The following CCDC88A variants were observed in gnomAD, a reference collection of about 807,000 sequenced individuals.
The protein encoded by CCDC88A is coiled-coil and HOOK domain protein 88A.
A neutral mutation model predicts 234.3 loss-of-function variants in CCDC88A; 54 were observed. The ratio of observed to expected loss-of-function variants is 0.23; its 90% CI spans 0.19 to 0.29. CCDC88A has a LOEUF of 0.29. CCDC88A is among the 10% of genes least tolerant of loss of function. CCDC88A has a pLI of 1.00. For missense variants in CCDC88A, 1,832 were observed against 2,123.4 expected (o/e 0.86, Z 2.70); for synonymous variants, 753 against 737.8 (o/e 1.02, Z -0.33).
chr2:55,296,198 A>G (rs932123981), intron 30 of CCDC88A, 60 bp downstream of exon 30: 16 of 1,502,596 alleles, frequency 1.1e-5, no homozygotes, highest in African/African-American at 2.8e-5. Flanking sequence ...CTGAAGTTCA[A>G]TTACAGAAAT....
intron 22 of CCDC88A, chr2:55,315,541 A>T (rs1208962120): frequency 6.5e-6 from 1 of 153,692 alleles, no homozygotes; most frequent in Non-Finnish European, 1.4e-5. Flanking sequence ...ACCATCCTAT[A>T]ATTTATTTGG....
At chr2:55,375,012 A>G (rs1673404759) in intron 3 of CCDC88A, 129 bp from the exon 4 acceptor site, 4 of 548,350 alleles carry the variant, frequency 7.3e-6, no homozygotes, top group Non-Finnish European at 1.3e-5. Flanking sequence ...ATATGGAAAA[A>G]GTTATATAAG....
In CCDC88A at chr2:55,328,373, T is replaced by C. The variant is rs748161301; in HGVS notation, c.2918A>G (p.Glu973Gly). Residue 973 changes from glutamate to glycine, a missense_variant, in exon 17 of 33, where the codon GAA becomes GGA. Coordinates refer to ENST00000436346, the MANE Select transcript of CCDC88A (RefSeq NM_001365480.1). This position sits in a 1 kb window ranked among gnomAD's most constrained non-coding sequence, Gnocchi z 4.3. ...STLKKSLEIK[E>G]EKIAALEARL... ...AGCTTCTAAAGCAGCAATTTTTTCT[T>C]CTTTTATTTCAAGAGACTTCTTAAG... 1.3e-6 allele frequency: 2 copies of C among 1,599,554 alleles called. No homozygotes were observed. The highest frequency in any genetic ancestry group is 2.7e-5 in the African/African-American group (2 of 74,596).
At chr2:55,299,015 C>T (rs1278584416) in intron 29 of CCDC88A, among the ~76,000 whole-genome samples, 1 of 151,936 alleles carries the variant, frequency 6.6e-6, no homozygotes, top group East Asian at 1.9e-4. Context: ...GCCTGGTTAA[C>T]ATGGTGAAAC....
chr2:55,366,534 TACACACACACACACACACAC>T (rs201666406), intron 5 of CCDC88A, among the ~76,000 whole-genome samples: 8 of 127,638 alleles, frequency 6.3e-5, no homozygotes, highest in African/African-American at 2.0e-4. Context: ...CACACACACA[TACACACACACACACACACAC>T]ACACACACAC....
chr2:55,299,581 T>C (rs556241916), intron 29 of CCDC88A, among the ~76,000 whole-genome samples: 53 of 152,312 alleles, frequency 3.5e-4, no homozygotes, highest in Admixed American at 2.9e-3. Flanking sequence ...ATAGATAATT[T>C]TGAAGTATAA....
At chr2:55,371,909 A>G (rs1450105964) in intron 5 of CCDC88A, among the ~76,000 whole-genome samples, 1 of 152,230 alleles carries the variant, frequency 6.6e-6, no homozygotes, top group East Asian at 1.9e-4. Flanking sequence ...AAATCTATGT[A>G]AGGGATAATA....
chr2:55,376,838 A>C (rs1673718917), intron 3 of CCDC88A, among the ~76,000 whole-genome samples: 1 of 152,058 alleles, frequency 6.6e-6, no homozygotes, highest in African/African-American at 2.4e-5. Flanking sequence ...TGCTTCATTC[A>C]ATTTTTTTTT....
Position 55,388,860 on chromosome 2 carries a change from A to C in CCDC88A, c.191T>G (p.Val64Gly), listed in dbSNP as rs1676135772. 1 of 1,444,248 alleles carries C rather than the reference A, an allele frequency of 6.9e-7. No homozygotes were observed. Among genetic ancestry groups the C allele is most frequent in the Admixed American group, 1.9e-5 (1 of 51,292 alleles). The allele number at this position is 1,444,248 out of a possible 1,614,324, so 89.5% of individuals were successfully genotyped here. A position where few individuals can be genotyped will look rare whatever the true frequency, so the allele number is the denominator to read the frequency against. ...QINPKLESQR[V>G]NKKVNNDASL... ...GGCATCATTATTGACTTTTTTATTTACTCTCTGACTCTCCAATTTAGGATT... is the reference window on the plus strand; with the variant it reads ...GGCATCATTATTGACTTTTTTATTTCCTCTCTGACTCTCCAATTTAGGATT... Residue 64 changes from valine to glycine, a missense_variant, in exon 3 of 33, where the codon GTA (valine) becomes GGA (glycine). Physicochemically the swap from Val to Gly is moderately radical, Grantham distance 109 (BLOSUM62 -3). Coordinates refer to ENST00000436346, the MANE Select transcript of CCDC88A (RefSeq NM_001365480.1).
At chr2:55,365,021 CT>C (rs1671772303) in intron 5 of CCDC88A, among the ~76,000 whole-genome samples, 1 of 152,100 alleles carries the variant, frequency 6.6e-6, no homozygotes, top group Non-Finnish European at 1.5e-5. Context: ...CTGATTTATG[CT>C]TTACGTGTTT....
intron 5 of CCDC88A, chr2:55,364,247 T>A: frequency 2.7e-6 from 1 of 375,572 alleles, no homozygotes; most frequent in East Asian, 4.9e-5. Context: ...ATACTATTTT[T>A]ATGCTGGAAA....
At chr2:55,407,191 G>A (rs1679731760) in intron 2 of CCDC88A, among the ~76,000 whole-genome samples, 1 of 151,176 alleles carries the variant, frequency 6.6e-6, no homozygotes, top group South Asian at 2.1e-4. Flanking sequence ...TCCAGCCTGG[G>A]CAACAGGGCA....
At chr2:55,396,562 A>G (rs1337442820) in intron 2 of CCDC88A, among the ~76,000 whole-genome samples, 1 of 152,112 alleles carries the variant, frequency 6.6e-6, no homozygotes, top group Non-Finnish European at 1.5e-5. Context: ...AAAACAAAGA[A>G]AAGTCTGACT....
At chr2:55,412,800 C>T (rs1680706511) in intron 2 of CCDC88A, among the ~76,000 whole-genome samples, 1 of 152,304 alleles carries the variant, frequency 6.6e-6, no homozygotes, top group South Asian at 2.1e-4. Flanking sequence ...ATACATTATT[C>T]TATTTGATTC....
At chr2:55,326,075 A>G (rs1322793574) in intron 17 of CCDC88A, among the ~76,000 whole-genome samples, 1 of 151,758 alleles carries the variant, frequency 6.6e-6, no homozygotes, top group African/African-American at 2.4e-5. Flanking sequence ...TAGACCTTTT[A>G]TATCTAATAT....
At chr2:55,321,791 A>T (rs1683665103) in intron 18 of CCDC88A, among the ~76,000 whole-genome samples, 4 of 152,146 alleles carry the variant, frequency 2.6e-5, no homozygotes. Flanking sequence ...ATAAATGACA[A>T]GAAAATTTTC....
intron 23 of CCDC88A, among the ~76,000 whole-genome samples, 169 bp downstream of exon 23, chr2:55,312,265 G>A (rs557915450): frequency 7.9e-5 from 12 of 152,160 alleles, no homozygotes; most frequent in African/African-American, 2.9e-4. Flanking sequence ...AGATGCATGT[G>A]TTTTCATGTT....
At chr2:55,296,081 G>C in intron 30 of CCDC88A, 25 bp from the exon 31 acceptor site, 2 of 1,524,010 alleles carry the variant, frequency 1.3e-6, no homozygotes, top group Non-Finnish European at 8.9e-7. Context: ...ATTCAAAGCA[G>C]ATTAGTGAAT....
Position 55,296,502 on chromosome 2 carries a change from C to A in CCDC88A, c.4847G>T (p.Ser1616Ile). The A allele has an allele frequency of 2.5e-6, 4 of 1,614,072 alleles. No homozygotes were observed. The highest frequency in any genetic ancestry group is 3.4e-6 in the Non-Finnish European group (4 of 1,179,998). The change falls in exon 30 of 33, where the codon AGC becomes ATC. Residue 1616 changes from serine (S) to isoleucine (I), a missense_variant. By Grantham distance (142) the Ser-to-Ile change is moderately radical (BLOSUM62 -2). Around this residue, in one of 6 missense-constraint regions of CCDC88A, gnomAD observed 422 missense variants for 416.5 expected, o/e 1.01. Transcript: ENST00000436346. ...TCCACTGCTGTGGCTTTGTGGCCTG[C>A]TTTGGTTATTAACTGCACCTGCTTT... ...EVKAGAVNNQ[S>I]RPQSHSSGEF...
Sources: allele counts gnomAD v4.1 joint callset (sites outside exome capture counted in the v4.1 genomes callset), GRCh38; gene constraint gnomAD v4.1.1; regional missense constraint gnomAD v4.1.1; non-coding constraint Gnocchi (gnomAD v3.1); transcripts MANE v1.5; gene names NCBI Gene and HGNC (gene_info 2026-07-23, HGNC 2026-07-21).